Variants in HCN1 observed in about 807,000 individuals in gnomAD.
HCN1 encodes potassium/sodium hyperpolarization-activated cyclic nucleotide-gated channel 1.
A neutral mutation model predicts 78.9 loss-of-function variants in HCN1; 13 were observed. The ratio of observed to expected loss-of-function variants is 0.16; its 90% CI spans 0.11 to 0.26. The LOEUF is 0.26. Among genes scored for constraint, HCN1 ranks in the 10% least tolerant of loss-of-function variants. The pLI is 1.00. For synonymous variants in HCN1, 552 were observed against 455.5 expected (o/e 1.21, Z -2.70); for missense variants, 810 against 1,154.3 (o/e 0.70, Z 4.32).
At chr5:45,557,858 T>G (rs1308402390) in intron 2 of HCN1, 1 of 152,064 alleles carries the variant, frequency 6.6e-6, no homozygotes, top group South Asian at 2.1e-4. Flanking sequence ...CTCCCTCTGA[T>G]TGGACCTCCC....
chr5:45,386,227 G>C (rs1209384401), intron 4 of HCN1, among the ~76,000 whole-genome samples: 1 of 149,998 alleles, frequency 6.7e-6, no homozygotes, highest in Non-Finnish European at 1.5e-5. Context: ...CCATGCTGGA[G>C]TTCAGTGGTG....
intron 2 of HCN1, among the ~76,000 whole-genome samples, chr5:45,499,562 G>A (rs191839281): frequency 3.3e-5 from 5 of 152,234 alleles, no homozygotes; most frequent in South Asian, 4.1e-4. Context: ...CGTCGCTTAC[G>A]CTGGGAGCTG....
At chr5:45,667,375 T>C (rs1005008402) in intron 1 of HCN1, among the ~76,000 whole-genome samples, 1 of 152,008 alleles carries the variant, frequency 6.6e-6, no homozygotes, top group African/African-American at 2.4e-5. Flanking sequence ...TAGTTTCCTA[T>C]ACTATTCATT....
intron 5 of HCN1, among the ~76,000 whole-genome samples, chr5:45,340,023 A>T (rs960076029): frequency 1.3e-5 from 2 of 152,088 alleles, no homozygotes; most frequent in African/African-American, 4.8e-5. Flanking sequence ...GGTTCAAGTG[A>T]TTCTCCTGCC....
At chr5:45,622,327 G>T (rs1174671462) in intron 2 of HCN1, among the ~76,000 whole-genome samples, 1 of 152,172 alleles carries the variant, frequency 6.6e-6, no homozygotes, top group African/African-American at 2.4e-5. Context: ...ATTTTTCTGA[G>T]TGCTATGGGT....
At chr5:45,429,021 A>ATAAAG (rs1208791432) in intron 3 of HCN1, among the ~76,000 whole-genome samples, 1 of 152,190 alleles carries the variant, frequency 6.6e-6, no homozygotes, top group Admixed American at 6.6e-5. Context: ...ATTATTTTGA[A>ATAAAG]TAAAGTATTC....
At position 45,336,990 on chromosome 5, in the gene HCN1, C is replaced by A. The variant is rs929692976; in HGVS notation, c.1377+16110G>T. Reference sequence around the variant, plus strand: ...AGGATTTCAACATATGAACTGGGGGCAGAGGGCATAAATACTCACCTTAGT... The same window carrying A: ...AGGATTTCAACATATGAACTGGGGGAAGAGGGCATAAATACTCACCTTAGT... On this transcript the variant is annotated intron_variant, in intron 5 of 7. Coordinates refer to ENST00000303230, the MANE Select transcript of HCN1 (RefSeq NM_021072.4). 4.6e-5 allele frequency among the ~76,000 whole-genome samples: 7 copies of A among 151,804 alleles called. No homozygotes were observed. In the East Asian group the frequency reaches 1.4e-3, roughly 30 times the overall value.
At chr5:45,500,510 A>C (rs189557908) in intron 2 of HCN1, among the ~76,000 whole-genome samples, 1 of 152,326 alleles carries the variant, frequency 6.6e-6, no homozygotes, top group Admixed American at 6.5e-5. Flanking sequence ...CATATGGGTA[A>C]AGGACTTTTG....
At chr5:45,320,111 A>G (rs1405942433) in intron 5 of HCN1, among the ~76,000 whole-genome samples, 1 of 151,842 alleles carries the variant, frequency 6.6e-6, no homozygotes, top group Non-Finnish European at 1.5e-5. Flanking sequence ...CTACACTCCA[A>G]CACACCCTAT....
chr5:45,674,942 AAAT>A (rs971924772), intron 1 of HCN1, among the ~76,000 whole-genome samples: 14 of 151,768 alleles, frequency 9.2e-5, no homozygotes, highest in African/African-American at 2.7e-4. Context: ...TTTAAAATAA[AAAT>A]AATAAGATAT....
chr5:45,591,015 T>G (rs1579987700), intron 2 of HCN1, among the ~76,000 whole-genome samples: 2 of 151,768 alleles, frequency 1.3e-5, no homozygotes, highest in African/African-American at 4.8e-5. Context: ...TTTTTTTTAA[T>G]TAGTAGAGAT....
chr5:45,285,833 T>A (rs999301989), intron 6 of HCN1, among the ~76,000 whole-genome samples: 1 of 151,992 alleles, frequency 6.6e-6, no homozygotes, highest in Non-Finnish European at 1.5e-5. Flanking sequence ...AAAAACATGG[T>A]AACTGTGACC....
At chr5:45,621,625 C>T (rs1033583455) in intron 2 of HCN1, among the ~76,000 whole-genome samples, 1 of 152,004 alleles carries the variant, frequency 6.6e-6, no homozygotes, top group Admixed American at 6.6e-5. Flanking sequence ...ATTAGTAAAA[C>T]GTAATTTGTA....
At chr5:45,595,912 C>T (rs907448987) in intron 2 of HCN1, among the ~76,000 whole-genome samples, 2 of 150,478 alleles carry the variant, frequency 1.3e-5, no homozygotes, top group African/African-American at 2.4e-5. Flanking sequence ...TTTTATTTGA[C>T]GGAGTCTCGC....
chr5:45,674,287 A>G (rs1233790251), intron 1 of HCN1, among the ~76,000 whole-genome samples: 3 of 151,606 alleles, frequency 2.0e-5, no homozygotes, highest in East Asian at 3.9e-4. Flanking sequence ...TTATGAGGAG[A>G]ACTTAGAAGT....
chr5:45,361,186 G>A (rs952257362), intron 4 of HCN1, among the ~76,000 whole-genome samples: 1 of 152,084 alleles, frequency 6.6e-6, no homozygotes, highest in Non-Finnish European at 1.5e-5. Flanking sequence ...TTACAGGCAT[G>A]CATCTCCACG....
chr5:45,314,357 A>G (rs1401633233), intron 5 of HCN1, among the ~76,000 whole-genome samples: 1 of 152,212 alleles, frequency 6.6e-6, no homozygotes, highest in Non-Finnish European at 1.5e-5. Flanking sequence ...GAGATCCTGA[A>G]AGAAGCACTA....
intron 1 of HCN1, among the ~76,000 whole-genome samples, chr5:45,653,613 T>C (rs1021796433): frequency 6.6e-6 from 1 of 151,962 alleles, no homozygotes; most frequent in African/African-American, 2.4e-5. Flanking sequence ...TACTGCTGAT[T>C]TCCCAATGAT....
At chr5:45,663,769 C>A (rs1018341787) in intron 1 of HCN1, among the ~76,000 whole-genome samples, 116 of 151,818 alleles carry the variant, frequency 7.6e-4, no homozygotes, top group Middle Eastern at 3.4e-3. Context: ...TATCATCTCA[C>A]ACCAGTTAGA....
Sources: allele counts gnomAD v4.1 joint callset (sites outside exome capture counted in the v4.1 genomes callset), GRCh38; gene constraint gnomAD v4.1.1; transcripts MANE v1.5; gene names NCBI Gene and HGNC (gene_info 2026-07-23, HGNC 2026-07-21).